Variants in MAP3K20 observed in about 807,000 individuals in gnomAD.
MAP3K20 encodes the protein HCCS-4.
A neutral mutation model predicts 85.7 loss-of-function variants in MAP3K20; 40 were observed. The ratio of observed to expected loss-of-function variants is 0.47; its 90% CI spans 0.36 to 0.61. The LOEUF is 0.61. MAP3K20 is among the 20% of genes least tolerant of loss of function. MAP3K20 has a pLI of 0.00. For missense variants in MAP3K20, 817 were observed against 961.7 expected (o/e 0.85, Z 1.99); for synonymous variants, 325 against 327.7 (o/e 0.99, Z 0.09).
At chr2:173,262,553 T>C (rs778051020) in intron 18 of MAP3K20, among the ~76,000 whole-genome samples, 32 of 151,730 alleles carry the variant, frequency 2.1e-4, no homozygotes, top group Non-Finnish European at 4.3e-4. Flanking sequence ...TGAGCTGAGA[T>C]TGCGCCATTG....
intron 2 of MAP3K20, among the ~76,000 whole-genome samples, chr2:173,167,862 AATG>A (rs1278773531): frequency 6.6e-6 from 1 of 152,158 alleles, no homozygotes; most frequent in Non-Finnish European, 1.5e-5. Flanking sequence ...AAAAATCTTT[AATG>A]ATCACAAAAT....
intron 2 of MAP3K20, among the ~76,000 whole-genome samples, chr2:173,141,778 C>T (rs933078940): frequency 1.3e-5 from 2 of 152,066 alleles, no homozygotes; most frequent in African/African-American, 4.8e-5. Context: ...TCAGTCACAT[C>T]ATAGTTAAAC....
intron 18 of MAP3K20, among the ~76,000 whole-genome samples, chr2:173,262,718 T>C (rs1174755117): frequency 6.6e-6 from 1 of 152,180 alleles, no homozygotes; most frequent in African/African-American, 2.4e-5. Context: ...GGTGCACAGG[T>C]TGTCAGGGAT....
chr2:173,194,299 A>G (rs1690753409), intron 7 of MAP3K20, among the ~76,000 whole-genome samples: 1 of 152,180 alleles, frequency 6.6e-6, no homozygotes, highest in African/African-American at 2.4e-5. Context: ...GTAATGGCAA[A>G]AACTGCAATT....
chr2:173,177,442 GA>G lies in MAP3K20; in HGVS notation c.248-5411del, dbSNP rs1227149126. ...CTGGGTCAAAGAAGAAATCACAATAGATTTTTTTTTTTTTTTTTTTGAGATG... is the reference window on the plus strand; with the variant it reads ...CTGGGTCAAAGAAGAAATCACAATAGTTTTTTTTTTTTTTTTTTTGAGATG... On this transcript the variant is annotated intron_variant, in intron 3 of 19. Coordinates refer to ENST00000375213, the MANE Select transcript of MAP3K20 (RefSeq NM_016653.3). 1.8e-4 allele frequency among the ~76,000 whole-genome samples: 14 copies of G among 78,178 alleles called. No individual in the cohort carries two copies. In the East Asian group the frequency reaches 6.0e-3, roughly 34 times the overall value. The allele number at this position is 78,178 out of a possible 152,430, so 51.3% of individuals were successfully genotyped here. A position where few individuals can be genotyped will look rare whatever the true frequency, so the allele number is the denominator to read the frequency against.
At chr2:173,238,473 T>C in intron 15 of MAP3K20, 38 bp downstream of exon 15, 1 of 1,561,280 alleles carries the variant, frequency 6.4e-7, no homozygotes, top group Non-Finnish European at 8.8e-7. Flanking sequence ...AATGCTACCT[T>C]TATTGACACA....
Position 173,239,458 on chromosome 2 carries a change from G to A in MAP3K20, c.1321G>A (p.Val441Ile). 6.2e-7 allele frequency: 1 copy of A among 1,613,612 alleles called. No homozygotes were observed. The highest frequency in any genetic ancestry group is 8.5e-7 in the Non-Finnish European group (1 of 1,179,876). The change falls in exon 16 of 20, where the codon GTT becomes ATT. Residue 441 changes from valine (V) to isoleucine (I), a missense_variant. Transcript: ENST00000375213. ...GGAAAAAATAGTGAACCTGGAACTGGTTTTTGGTTTTCACTTGAAACCAGG... is the reference window on the plus strand; with the variant it reads ...GGAAAAAATAGTGAACCTGGAACTGATTTTTGGTTTTCACTTGAAACCAGG... ...NEEKIVNLELVFGFHLKPGTG... is the reference protein window; with the variant it reads ...NEEKIVNLELIFGFHLKPGTG...
chr2:173,226,922 T>C (rs908903682), intron 11 of MAP3K20: 5 of 985,074 alleles, frequency 5.1e-6, no homozygotes, highest in Admixed American at 1.2e-4. Flanking sequence ...GCAAGTCCTA[T>C]GCCAAATATC....
chr2:173,248,455 G>A (rs1342423912), intron 16 of MAP3K20, among the ~76,000 whole-genome samples: 1 of 152,198 alleles, frequency 6.6e-6, no homozygotes, highest in Non-Finnish European at 1.5e-5. Context: ...ATTGAGCAAA[G>A]AAGCAAATGC....
At chr2:173,207,163 T>G (rs74654865) in intron 9 of MAP3K20, among the ~76,000 whole-genome samples, 1 of 152,036 alleles carries the variant, frequency 6.6e-6, no homozygotes, top group East Asian at 1.9e-4. Context: ...AGGTGGGTAT[T>G]GGTTCAGGTC....
At chr2:173,096,836 T>C (rs1378424153) in intron 2 of MAP3K20, among the ~76,000 whole-genome samples, 1 of 152,218 alleles carries the variant, frequency 6.6e-6, no homozygotes, top group East Asian at 1.9e-4. Flanking sequence ...TTAAATAGTG[T>C]TTGCAATAGG....
chr2:173,086,883 T>A (rs1687159100), intron 1 of MAP3K20, among the ~76,000 whole-genome samples: 1 of 152,182 alleles, frequency 6.6e-6, no homozygotes, highest in African/African-American at 2.4e-5. Flanking sequence ...ACCCTGGGAT[T>A]CAGAGGGACC....
intron 2 of MAP3K20, among the ~76,000 whole-genome samples, chr2:173,103,054 A>T (rs1687678756): frequency 6.6e-6 from 1 of 152,176 alleles, no homozygotes; most frequent in African/African-American, 2.4e-5. Flanking sequence ...ACTCCATCTC[A>T]AAAAGAAAAA....
At chr2:173,076,170 G>C (rs1686850668) in intron 1 of MAP3K20, among the ~76,000 whole-genome samples, 168 bp downstream of exon 1, 1 of 151,316 alleles carries the variant, frequency 6.6e-6, no homozygotes, top group Non-Finnish European at 1.5e-5. Context: ...GGCCCGCCCG[G>C]CGGCGGCGGC....
At chr2:173,128,758 A>G (rs1224770392) in intron 2 of MAP3K20, among the ~76,000 whole-genome samples, 1 of 151,096 alleles carries the variant, frequency 6.6e-6, no homozygotes, top group Non-Finnish European at 1.5e-5. Context: ...GAAAGTGCAA[A>G]ATAATCACTT....
At chr2:173,142,290 G>A (rs1428919424) in intron 2 of MAP3K20, among the ~76,000 whole-genome samples, 3 of 152,046 alleles carry the variant, frequency 2.0e-5, no homozygotes, top group African/African-American at 7.2e-5. Flanking sequence ...GGCTAACATG[G>A]TAAAACCCTG....
intron 2 of MAP3K20, among the ~76,000 whole-genome samples, chr2:173,161,859 G>A (rs1689668712): frequency 6.6e-6 from 1 of 152,194 alleles, no homozygotes; most frequent in Non-Finnish European, 1.5e-5. Flanking sequence ...CAGGTCAGTG[G>A]TTAACTAAAT....
Position 173,255,044 on chromosome 2 carries a change from T to G in MAP3K20, c.1360-3655T>G, listed in dbSNP as rs186663019. On this transcript the variant is annotated intron_variant, in intron 16 of 19. Coordinates refer to ENST00000375213, the MANE Select transcript of MAP3K20 (RefSeq NM_016653.3). ...TCTTATGACTTCCTTGATTATAGTT[T>G]TATTCCTTCTGTAGCTACCTTCTTT... is the stretch of plus-strand genomic sequence containing the variant. Among the ~76,000 whole-genome samples the G allele has an allele frequency of 2.5e-3, 378 of 152,344 alleles. 2 individuals are homozygous for G. The highest frequency in any genetic ancestry group is 8.8e-3 in the African/African-American group (366 of 41,580).
At chr2:173,250,894 A>G (rs1685027532) in intron 16 of MAP3K20, among the ~76,000 whole-genome samples, 1 of 152,188 alleles carries the variant, frequency 6.6e-6, no homozygotes, top group African/African-American at 2.4e-5. Flanking sequence ...AAGCAAATTA[A>G]CCATACTTGT....
Sources: allele counts gnomAD v4.1 joint callset (sites outside exome capture counted in the v4.1 genomes callset), GRCh38; gene constraint gnomAD v4.1.1; transcripts MANE v1.5; gene names NCBI Gene and HGNC (gene_info 2026-07-23, HGNC 2026-07-21).